Variants in GMDS observed in about 807,000 individuals in gnomAD.
The protein encoded by GMDS is GDP-mannose 4,6-dehydratase.
GMDS carries 20 observed loss-of-function variants against 49.9 expected under a neutral mutation model. The ratio of observed to expected loss-of-function variants is 0.40; its 90% CI spans 0.28 to 0.58. The LOEUF (loss-of-function observed/expected upper bound fraction) is 0.58. Ranked by LOEUF, GMDS falls within the 20% of genes least tolerant of loss-of-function variation. The probability of loss-of-function intolerance (pLI) is 0.42; values close to 1 mark genes in which losing one functional copy is unlikely to be tolerated. For missense variants in GMDS, 362 were observed against 481.4 expected (o/e 0.75, Z 2.32); for synonymous variants, 177 against 178.6 (o/e 0.99, Z 0.07).
At chr6:2,004,169 T>C (rs953371954) in intron 4 of GMDS, among the ~76,000 whole-genome samples, 16 of 152,378 alleles carry the variant, frequency 1.1e-4, no homozygotes, top group African/African-American at 3.8e-4. Context: ...CATTGCCAAA[T>C]GGCTCTAGGG....
intron 7 of GMDS, among the ~76,000 whole-genome samples, chr6:1,756,881 C>G (rs1440354322): frequency 6.6e-6 from 1 of 152,222 alleles, no homozygotes; most frequent in Non-Finnish European, 1.5e-5. Context: ...TGGAAGCTGT[C>G]CAGTTCACTT....
At chr6:2,217,551 T>C (rs1379491429) in intron 1 of GMDS, among the ~76,000 whole-genome samples, 2 of 152,166 alleles carry the variant, frequency 1.3e-5, no homozygotes, top group Non-Finnish European at 2.9e-5. Flanking sequence ...GAGAAACACC[T>C]CCCAACTCTG....
intron 4 of GMDS, among the ~76,000 whole-genome samples, chr6:1,972,024 T>A (rs1270813196): frequency 1.3e-5 from 2 of 152,138 alleles, no homozygotes; most frequent in African/African-American, 4.8e-5. Context: ...ATTCCTTGAG[T>A]TTGAGAATCT....
intron 1 of GMDS, among the ~76,000 whole-genome samples, chr6:2,144,780 TCAAGC>T (rs1776470888): frequency 6.6e-6 from 1 of 152,164 alleles, no homozygotes; most frequent in African/African-American, 2.4e-5. Context: ...CTACCTGACT[TCAAGC>T]CTTCAGCAAC....
chr6:1,715,495 C>A (rs1266254072), intron 9 of GMDS, among the ~76,000 whole-genome samples: 1 of 152,192 alleles, frequency 6.6e-6, no homozygotes, highest in African/African-American at 2.4e-5. Context: ...GTGGAAATGA[C>A]CCATCACAAT....
intron 1 of GMDS, among the ~76,000 whole-genome samples, chr6:2,239,455 A>G (rs777649889): frequency 1.3e-5 from 2 of 152,222 alleles, no homozygotes; most frequent in Admixed American, 6.5e-5. Context: ...TAATCCAAAC[A>G]TCACACTACT....
intron 1 of GMDS, among the ~76,000 whole-genome samples, chr6:2,141,825 C>G (rs773866420): frequency 4.0e-5 from 6 of 151,374 alleles, no homozygotes; most frequent in African/African-American, 7.3e-5. Context: ...TGCGACCTAA[C>G]GACACACTGG....
At chr6:1,689,155 A>T (rs1765084484) in intron 9 of GMDS, among the ~76,000 whole-genome samples, 1 of 152,188 alleles carries the variant, frequency 6.6e-6, no homozygotes, top group South Asian at 2.1e-4. Flanking sequence ...ATATATTTTT[A>T]ACCATGGTAG....
chr6:2,210,455 T>C (rs1780011583), intron 1 of GMDS, among the ~76,000 whole-genome samples: 1 of 152,178 alleles, frequency 6.6e-6, no homozygotes. Flanking sequence ...TGCTTACCCA[T>C]CCTTTCCTGG....
In GMDS at chr6:1,778,110, G is replaced by T. The variant is rs1362608639; in HGVS notation, c.772-35524C>A. Among the ~76,000 whole-genome samples, 2 of 152,090 alleles carry T rather than the reference G, an allele frequency of 1.3e-5. No homozygotes were observed. Among genetic ancestry groups the T allele is most frequent in the East Asian group, 3.9e-4 (2 of 5,194 alleles). On this transcript the variant is annotated intron_variant, in intron 7 of 10. Coordinates refer to ENST00000380815, the MANE Select transcript of GMDS (RefSeq NM_001500.4). The surrounding 1 kb of genome is among the most constrained non-coding windows in gnomAD (Gnocchi z 4.6). ...GAACTTTGTTTTATTTTGATAGAGT[G>T]CCAAAACAGTACTGCATTCCTTAAA...
At chr6:2,016,448 A>T (rs1767907463) in intron 4 of GMDS, among the ~76,000 whole-genome samples, 1 of 152,200 alleles carries the variant, frequency 6.6e-6, no homozygotes, top group African/African-American at 2.4e-5. Context: ...GCTACAAGAT[A>T]TATGACTCAA....
chr6:2,245,416 G>A lies in GMDS; in HGVS notation c.7C>T (p.His3Tyr), dbSNP rs1159184705. 2.0e-6 allele frequency: 3 copies of A among 1,517,348 alleles called. No homozygotes were observed. Among genetic ancestry groups the A allele is most frequent in the African/African-American group, 1.4e-5 (1 of 70,150 alleles). The allele number at this position is 1,517,348 out of a possible 1,614,324, so 94.0% of individuals were successfully genotyped here. MA[H>Y]APARCPSARG... The stretch of plus-strand genomic sequence containing the variant: ...GCGCTGGGGCAGCGTGCCGGTGCGT[G>A]TGCCATGTCCCGCGGCGGGCGTGCG... The change falls in exon 1 of 11, where the codon CAC (histidine) becomes TAC (tyrosine). Residue 3 changes from histidine to tyrosine, a missense_variant. Physicochemically the swap from His to Tyr is moderately conservative, Grantham distance 83 (BLOSUM62 2). Transcript: ENST00000380815.
At chr6:1,996,321 G>A (rs771275412) in intron 4 of GMDS, among the ~76,000 whole-genome samples, 1 of 152,098 alleles carries the variant, frequency 6.6e-6, no homozygotes, top group African/African-American at 2.4e-5. Flanking sequence ...CTTCTGGGTA[G>A]TGTACCTTTT....
chr6:1,956,833 A>G (rs1215588574), intron 6 of GMDS, among the ~76,000 whole-genome samples: 1 of 149,408 alleles, frequency 6.7e-6, no homozygotes, highest in Non-Finnish European at 1.5e-5. Flanking sequence ...TTTTTTTGAG[A>G]TGGAGTCTCG....
intron 4 of GMDS, among the ~76,000 whole-genome samples, chr6:2,061,191 C>T (rs141574637): frequency 2.0e-5 from 3 of 152,022 alleles, no homozygotes; most frequent in African/African-American, 4.8e-5. Flanking sequence ...GGACGGGAAA[C>T]GAAGGTGGAA....
intron 1 of GMDS, among the ~76,000 whole-genome samples, chr6:2,174,067 A>C (rs1778149638): frequency 1.3e-5 from 2 of 152,214 alleles, no homozygotes; most frequent in African/African-American, 4.8e-5. Context: ...ATATAGATGA[A>C]TTACAGGCTA....
chr6:2,189,811 G>A (rs1376771299), intron 1 of GMDS, among the ~76,000 whole-genome samples: 1 of 152,194 alleles, frequency 6.6e-6, no homozygotes, highest in Non-Finnish European at 1.5e-5. Flanking sequence ...TGATGGTCTA[G>A]GTCGGCAAAG....
In GMDS at chr6:1,674,659, C is replaced by T. The variant is rs763724710; in HGVS notation, c.988-50119G>A. 1.8e-4 allele frequency among the ~76,000 whole-genome samples: 27 copies of T among 148,706 alleles called. 1 individual carries two copies. Among genetic ancestry groups the T allele is most frequent in the Non-Finnish European group, 2.8e-4 (19 of 67,460 alleles). On this transcript the variant is annotated intron_variant, in intron 9 of 10. Transcript: ENST00000380815. Reference sequence around the variant, plus strand: ...ACGGCTCATTGCAGCCTCAACCTCCCGGGCTCAAGCTATTCTCCCACCTCA... The same window carrying T: ...ACGGCTCATTGCAGCCTCAACCTCCTGGGCTCAAGCTATTCTCCCACCTCA...
chr6:1,959,570 AG>A (rs1763826411), intron 6 of GMDS: 1 of 204,882 alleles, frequency 4.9e-6, no homozygotes, highest in African/African-American at 2.3e-5. Flanking sequence ...GCATTCATAT[AG>A]TAGCTTCCTA....
Sources: allele counts gnomAD v4.1 joint callset (sites outside exome capture counted in the v4.1 genomes callset), GRCh38; gene constraint gnomAD v4.1.1; non-coding constraint Gnocchi (gnomAD v3.1); transcripts MANE v1.5; gene names NCBI Gene and HGNC (gene_info 2026-07-23, HGNC 2026-07-21).